The following YTHDF2 variants were observed in gnomAD, a reference collection of about 807,000 sequenced individuals.
YTHDF2 encodes the protein YTH domain-containing family protein 2.
YTHDF2 carries 2 observed loss-of-function variants against 50.4 expected under a neutral mutation model. The ratio of observed to expected loss-of-function variants is 0.04; its 90% confidence interval spans 0.02 to 0.12. The LOEUF (loss-of-function observed/expected upper bound fraction) is 0.12. YTHDF2 is among the 10% of genes least tolerant of loss of function. The probability of loss-of-function intolerance (pLI) is 1.00; values close to 1 mark genes in which losing one functional copy is unlikely to be tolerated. For synonymous variants in YTHDF2, 217 were observed against 255.6 expected (o/e 0.85, Z 1.44); for missense variants, 483 against 722.6 (o/e 0.67, Z 3.80).
chr1:28,749,996 T>TG lies in YTHDF2; in HGVS notation c.1716+6010_1716+6011insG, dbSNP rs562158476. Among the ~76,000 whole-genome samples, 212 of 144,466 alleles carry TG rather than the reference T, an allele frequency of 1.5e-3. 3 individuals carry two copies. The highest frequency in any genetic ancestry group is 5.0e-3 in the African/African-American group (196 of 39,082). 94.8% of individuals were successfully genotyped at this position (144,466 alleles called of 152,430 possible). A position where few individuals can be genotyped will look rare whatever the true frequency, so the allele number is the denominator to read the frequency against. On this transcript the variant is annotated intron_variant, in intron 4 of 4. Coordinates refer to ENST00000373812, the MANE Select transcript of YTHDF2 (RefSeq NM_016258.3). Reference sequence around the variant, plus strand: ...TTGAAAAAAAAGGTTGTTTTTTTTTTTTTTTTTTTTTGAGATGGAGTTTCA... The same window carrying TG: ...TTGAAAAAAAAGGTTGTTTTTTTTTTGTTTTTTTTTTTGAGATGGAGTTTCA...
chr1:28,760,162 A>T (rs1207910663), intron 4 of YTHDF2, among the ~76,000 whole-genome samples: 1 of 152,144 alleles, frequency 6.6e-6, no homozygotes, highest in African/African-American at 2.4e-5. Flanking sequence ...CTCCTGAAGG[A>T]CCTATCAGAG....
intron 4 of YTHDF2, among the ~76,000 whole-genome samples, chr1:28,766,793 G>A (rs2088225144): frequency 6.6e-6 from 1 of 151,416 alleles, no homozygotes; most frequent in Admixed American, 6.6e-5. Flanking sequence ...GCCTACTGAT[G>A]CCCTGGCTTC....
Position 28,742,411 on chromosome 1 carries a change from A to G in YTHDF2, c.141A>G (p.Ala47=), listed in dbSNP as rs2087790708. The G allele has an allele frequency of 1.9e-6, 3 of 1,559,492 alleles. No individual in the cohort carries two copies. Among genetic ancestry groups the G allele is most frequent in the Admixed American group, 2.1e-5 (1 of 48,486 alleles). Residue 47 remains alanine (A), a synonymous_variant, in exon 4 of 5, where the codon GCA becomes GCG. Transcript: ENST00000373812. ...YLSPQARPNN[A]YTAMSDSYLP... ...TTTTTTTTCTTCCACAGAATAATGC[A>G]TATACTGCCATGTCAGATTCCTACT... is the stretch of plus-strand genomic sequence containing the variant.
chr1:28,760,158 A>C (rs1349133079), intron 4 of YTHDF2, among the ~76,000 whole-genome samples: 1 of 152,128 alleles, frequency 6.6e-6, no homozygotes, highest in Non-Finnish European at 1.5e-5. Flanking sequence ...ATACCTCCTG[A>C]AGGACCTATC....
intron 4 of YTHDF2, among the ~76,000 whole-genome samples, chr1:28,757,091 C>T (rs1228698000): frequency 3.9e-5 from 6 of 152,142 alleles, no homozygotes; most frequent in Non-Finnish European, 5.9e-5. Flanking sequence ...TTAGTAGTAC[C>T]CTAATGCTTT....
At chr1:28,746,073 AAGAT>A (rs922471889) in intron 4 of YTHDF2, among the ~76,000 whole-genome samples, 3 of 152,222 alleles carry the variant, frequency 2.0e-5, no homozygotes, top group Admixed American at 6.5e-5. Context: ...TTTGTAGAAA[AAGAT>A]AGTTTATTGG....
chr1:28,740,949 C>T (rs2087766705), intron 3 of YTHDF2, among the ~76,000 whole-genome samples: 1 of 151,896 alleles, frequency 6.6e-6, no homozygotes, highest in South Asian at 2.1e-4. Flanking sequence ...CGTGATCCTC[C>T]CACCTTGGCC....
intron 4 of YTHDF2, among the ~76,000 whole-genome samples, chr1:28,763,983 CTT>C (rs1363313895): frequency 7.4e-6 from 1 of 135,980 alleles, no homozygotes; most frequent in African/African-American, 2.8e-5. Context: ...GGGTTTCTCT[CTT>C]GTTGCCAAGG....
At position 28,736,982 on chromosome 1, in the gene YTHDF2, T is replaced by G. The variant is rs1442923683; in HGVS notation, c.-139T>G. 5 of 1,071,792 alleles carry G rather than the reference T, an allele frequency of 4.7e-6. No individual in the cohort carries two copies. The East Asian group carries it at 8.3e-5, about 18-fold the overall frequency. The allele number at this position is 1,071,792 out of a possible 1,614,324, so 66.4% of individuals were successfully genotyped here. The stretch of plus-strand genomic sequence containing the variant: ...GAGCCGGAGCCTGAGCCGCGCGCTG[T>G]GTCTCCGCTGCGTCCGCCGAGGCCC... On this transcript the variant is annotated 5_prime_UTR_variant, in exon 1 of 5. Transcript: ENST00000373812.
chr1:28,746,848 G>A (rs185637301), intron 4 of YTHDF2, among the ~76,000 whole-genome samples: 1 of 152,132 alleles, frequency 6.6e-6, no homozygotes, highest in Non-Finnish European at 1.5e-5. Flanking sequence ...TTGGGAGGCC[G>A]AGGTGGGCGG....
chr1:28,757,057 A>T (rs1570475056), intron 4 of YTHDF2, among the ~76,000 whole-genome samples: 1 of 152,310 alleles, frequency 6.6e-6, no homozygotes, highest in East Asian at 1.9e-4. Flanking sequence ...CTCCTGGACC[A>T]AATTCTAGTT....
At chr1:28,763,880 T>TC (rs1393787129) in intron 4 of YTHDF2, among the ~76,000 whole-genome samples, 2 of 150,996 alleles carry the variant, frequency 1.3e-5, no homozygotes, top group African/African-American at 4.8e-5. Flanking sequence ...TGTTTTTTTT[T>TC]TTCCTATTAT....
At chr1:28,762,093 T>A (rs1399450725) in intron 4 of YTHDF2, among the ~76,000 whole-genome samples, 2 of 152,088 alleles carry the variant, frequency 1.3e-5, no homozygotes, top group African/African-American at 4.8e-5. Context: ...CACATCACTT[T>A]TAAAAACACA....
chr1:28,762,754 A>G (rs1425240621), intron 4 of YTHDF2, among the ~76,000 whole-genome samples: 5 of 152,160 alleles, frequency 3.3e-5, no homozygotes, highest in South Asian at 2.1e-4. Flanking sequence ...AAGAGATTGC[A>G]TATGTGCAGA....
chr1:28,768,212 A>AT (rs1157380067), intron 4 of YTHDF2, among the ~76,000 whole-genome samples: 5 of 151,962 alleles, frequency 3.3e-5, no homozygotes, highest in East Asian at 1.9e-4. Flanking sequence ...AGAAAAAAAA[A>AT]TTTTTTTTAA....
chr1:28,738,051 C>CT (rs2087722533), intron 2 of YTHDF2, among the ~76,000 whole-genome samples: 2 of 152,104 alleles, frequency 1.3e-5, no homozygotes, highest in Admixed American at 1.3e-4. Flanking sequence ...ATAAAATGAC[C>CT]TTTTTAGATC....
intron 4 of YTHDF2, among the ~76,000 whole-genome samples, chr1:28,761,496 C>T (rs556974612): frequency 9.9e-5 from 15 of 152,162 alleles, no homozygotes; most frequent in African/African-American, 2.7e-4. Flanking sequence ...CAGCACATAA[C>T]GGAGGCCAAG....
intron 4 of YTHDF2, among the ~76,000 whole-genome samples, chr1:28,760,860 G>A (rs2088113030): frequency 6.6e-6 from 1 of 152,170 alleles, no homozygotes; most frequent in Non-Finnish European, 1.5e-5. Flanking sequence ...AATTACAGGT[G>A]TGAACCACTG....
At chr1:28,749,563 G>T (rs2087917614) in intron 4 of YTHDF2, among the ~76,000 whole-genome samples, 1 of 152,076 alleles carries the variant, frequency 6.6e-6, no homozygotes. Flanking sequence ...TTTTTTAAAA[G>T]AAATTTCATA....
Sources: gnomAD v4.1 joint callset for allele counts (sites outside exome capture counted in the v4.1 genomes callset) on GRCh38, gnomAD v4.1.1 for gene constraint, MANE v1.5 for transcripts, NCBI Gene and HGNC (gene_info 2026-07-23, HGNC 2026-07-21) for gene names.